The following SMYD3 variants were observed in gnomAD, a reference collection of about 807,000 sequenced individuals.
The protein encoded by SMYD3 is SET and MYND domain containing 3.
In SMYD3, 36 loss-of-function variants were observed where a neutral mutation model predicts 57.7. The ratio of observed to expected loss-of-function variants is 0.62; its 90% CI spans 0.48 to 0.82. The LOEUF is 0.82. SMYD3 is among the 40% of genes least tolerant of loss of function. SMYD3 has a pLI of 0.00. For missense variants in SMYD3, 515 were observed against 538.8 expected (o/e 0.96, Z 0.44); for synonymous variants, 211 against 195.0 (o/e 1.08, Z -0.68).
chr1:245,835,911 T>C (rs557805358), intron 10 of SMYD3, among the ~76,000 whole-genome samples: 4 of 152,292 alleles, frequency 2.6e-5, no homozygotes, highest in African/African-American at 4.8e-5. Flanking sequence ...GCGTTAACAG[T>C]GCCTGTGGGC....
chr1:245,960,487 G>T lies in SMYD3; in HGVS notation c.532-30550C>A, dbSNP rs149007638. On this transcript the variant is annotated intron_variant, in intron 5 of 11. Coordinates refer to ENST00000490107, the MANE Select transcript of SMYD3 (RefSeq NM_001167740.2). ...AATGGGCATAGGGCTGGGCACAGTG[G>T]CTCACACCTGTAATCCCAGCACTTA... is the stretch of plus-strand genomic sequence containing the variant. Among the ~76,000 whole-genome samples the T allele has an allele frequency of 1.2e-4, 18 of 152,252 alleles. No individual in the cohort carries two copies. The East Asian group carries it at 2.9e-3, about 25-fold the overall frequency.
intron 3 of SMYD3, among the ~76,000 whole-genome samples, chr1:246,333,035 A>G (rs1226892042): frequency 6.6e-6 from 1 of 152,182 alleles, no homozygotes; most frequent in Non-Finnish European, 1.5e-5. Context: ...GAACAAGTGG[A>G]CTTTTTTTTA....
At chr1:245,752,975 T>A (rs1272910083) in intron 11 of SMYD3, among the ~76,000 whole-genome samples, 1 of 152,168 alleles carries the variant, frequency 6.6e-6, no homozygotes, top group Non-Finnish European at 1.5e-5. Context: ...CAGACTGCAG[T>A]GACCAAGGAG....
At chr1:246,338,562 T>C (rs1407686281) in intron 2 of SMYD3, among the ~76,000 whole-genome samples, 1 of 152,142 alleles carries the variant, frequency 6.6e-6, no homozygotes, top group Non-Finnish European at 1.5e-5. Flanking sequence ...AAATTAACAA[T>C]GATGTACAAT....
At chr1:246,352,350 T>C (rs960142225) in intron 2 of SMYD3, among the ~76,000 whole-genome samples, 14 of 152,180 alleles carry the variant, frequency 9.2e-5, no homozygotes, top group African/African-American at 3.1e-4. Flanking sequence ...GATTTTATAC[T>C]ACAGATTTAC....
At chr1:246,324,416 CAAAA>C (rs897518368) in intron 5 of SMYD3, among the ~76,000 whole-genome samples, 1 of 42,618 alleles carries the variant, frequency 2.3e-5, no homozygotes, top group African/African-American at 6.8e-5. Flanking sequence ...AACTCCATCT[CAAAA>C]AAAAAAAAAA....
rs2056404877 is a variant in SMYD3, at chr1:245,926,849, C to T, written c.702+1082G>A. On this transcript the variant is annotated intron_variant, in intron 7 of 11. Coordinates refer to ENST00000490107, the MANE Select transcript of SMYD3 (RefSeq NM_001167740.2). The stretch of plus-strand genomic sequence containing the variant: ...TTCATCTCTTACCTGCCTTGAAGTC[C>T]TTTGCGGCCCCAGAAAAAAAAGAGA... 2.6e-5 allele frequency among the ~76,000 whole-genome samples: 4 copies of T among 152,268 alleles called. No individual in the cohort carries two copies. In the South Asian group the frequency reaches 8.3e-4, roughly 32 times the overall value.
intron 5 of SMYD3, among the ~76,000 whole-genome samples, chr1:246,168,360 G>A (rs1352640669): frequency 6.6e-6 from 1 of 152,172 alleles, no homozygotes; most frequent in Non-Finnish European, 1.5e-5. Context: ...CAGGGAGGAA[G>A]TCACAGGTTT....
chr1:246,413,503 G>A (rs1016456056), intron 1 of SMYD3, among the ~76,000 whole-genome samples: 1 of 152,002 alleles, frequency 6.6e-6, no homozygotes, highest in African/African-American at 2.4e-5. Context: ...TTGAATATAC[G>A]TCCCCACCAA....
intron 1 of SMYD3, among the ~76,000 whole-genome samples, chr1:246,478,809 A>G (rs1318402331): frequency 1.4e-4 from 10 of 69,472 alleles, no homozygotes; most frequent in South Asian, 5.5e-4. Flanking sequence ...CTGGTACATA[A>G]GTGCTCATAT....
chr1:245,751,302 C>A (rs538196596), intron 11 of SMYD3, among the ~76,000 whole-genome samples: 1 of 152,158 alleles, frequency 6.6e-6, no homozygotes, highest in Admixed American at 6.5e-5. Context: ...AGATTTCAGA[C>A]CTTGGTGGTC....
At chr1:246,169,380 T>C (rs1219457997) in intron 5 of SMYD3, among the ~76,000 whole-genome samples, 2 of 8,218 alleles carry the variant, frequency 2.4e-4, no homozygotes, top group Non-Finnish European at 6.8e-4. Flanking sequence ...AGACTTTCTT[T>C]CAAAAAAAAA....
At chr1:246,022,708 C>T (rs746424440) in intron 5 of SMYD3, among the ~76,000 whole-genome samples, 1 of 152,178 alleles carries the variant, frequency 6.6e-6, no homozygotes, top group Non-Finnish European at 1.5e-5. Context: ...TAATATAACT[C>T]TGCATGTGCA....
intron 5 of SMYD3, among the ~76,000 whole-genome samples, chr1:246,157,936 T>C (rs1020114329): frequency 1.3e-5 from 2 of 152,248 alleles, no homozygotes; most frequent in Non-Finnish European, 2.9e-5. Context: ...TGCAGGAAGC[T>C]GAGATGCTTA....
chr1:246,286,861 T>TA (rs541841257), intron 5 of SMYD3, among the ~76,000 whole-genome samples: 121 of 151,090 alleles, frequency 8.0e-4, no homozygotes, highest in Middle Eastern at 3.4e-3. Flanking sequence ...CAAGATATAA[T>TA]AAAAAAATCT....
At chr1:246,020,278 T>C (rs1053362032) in intron 5 of SMYD3, among the ~76,000 whole-genome samples, 2 of 152,218 alleles carry the variant, frequency 1.3e-5, no homozygotes, top group African/African-American at 2.4e-5. Context: ...AAAAGTACCA[T>C]AAATAAAACA....
intron 10 of SMYD3, among the ~76,000 whole-genome samples, chr1:245,812,464 C>T (rs1039865889): frequency 2.0e-5 from 3 of 152,142 alleles, no homozygotes; most frequent in Admixed American, 6.6e-5. Context: ...GACATTGGTC[C>T]TGTGCTCTAC....
At chr1:246,359,126 G>A (rs1182089949) in intron 1 of SMYD3, among the ~76,000 whole-genome samples, 4 of 152,042 alleles carry the variant, frequency 2.6e-5, no homozygotes, top group Non-Finnish European at 4.4e-5. Context: ...GAAATGAAAT[G>A]GGAAATATTA....
At position 246,207,025 on chromosome 1, in the gene SMYD3, G is replaced by C. The variant is rs372278669; in HGVS notation, c.531+120176C>G. On this transcript the variant is annotated intron_variant, in intron 5 of 11. Coordinates refer to ENST00000490107, the MANE Select transcript of SMYD3 (RefSeq NM_001167740.2). Reference sequence around the variant, plus strand: ...GAGTTCCCTAAACATTTCATTAGTGGGCATTACCAGGGAACACAATTCTAT... The same window carrying C: ...GAGTTCCCTAAACATTTCATTAGTGCGCATTACCAGGGAACACAATTCTAT... Among the ~76,000 whole-genome samples the C allele has an allele frequency of 2.8e-4, 43 of 152,112 alleles. No homozygotes were observed. The East Asian group carries it at 4.8e-3, about 17-fold the overall frequency.
Sources: allele counts gnomAD v4.1 joint callset (sites outside exome capture counted in the v4.1 genomes callset), GRCh38; gene constraint gnomAD v4.1.1; transcripts MANE v1.5; gene names NCBI Gene and HGNC (gene_info 2026-07-23, HGNC 2026-07-21).